Variants in NIT1 observed in about 807,000 individuals in gnomAD.
NIT1 encodes nitrilase 1, also known as deaminated glutathione amidase.
A neutral mutation model predicts 36.8 loss-of-function variants in NIT1; 30 were observed. That is an observed-to-expected ratio of 0.82 (90% CI 0.61 to 1.11). The LOEUF (loss-of-function observed/expected upper bound fraction) is 1.11, where lower values mean the gene tolerates loss of function less well. Ranked by LOEUF, NIT1 falls within the 50% of genes least tolerant of loss-of-function variation. The pLI is 0.00. For missense variants in NIT1, 438 were observed against 410.6 expected (o/e 1.07, Z -0.58); for synonymous variants, 151 against 155.6 (o/e 0.97, Z 0.22).
intron 1 of NIT1, chr1:161,118,503 CTT>C (rs778405677): frequency 1.3e-5 from 20 of 1,536,034 alleles, no homozygotes; most frequent in East Asian, 2.4e-5. Flanking sequence ...CCGGAGATGA[CTT>C]TTGGACTGCG....
At position 161,120,163 on chromosome 1, in the gene NIT1, T is replaced by G. The variant is rs1655295003; in HGVS notation, c.648T>G (p.Ala216=). 1 of 1,614,046 alleles carries G rather than the reference T, an allele frequency of 6.2e-7. No homozygotes were observed. The highest frequency in any genetic ancestry group is 1.7e-5 in the Admixed American group (1 of 60,006). Reference sequence around the variant, plus strand: ...TCCCTGAACTCTCTCTGGCATTGGCTCAAGCTGGAGCAGAGATACTTACCT... The same window carrying G: ...TCCCTGAACTCTCTCTGGCATTGGCGCAAGCTGGAGCAGAGATACTTACCT... ...MRFPELSLAL[A]QAGAEILTYP... Residue 216 remains alanine, a synonymous_variant, in exon 6 of 7, where the codon GCT becomes GCG. Coordinates refer to ENST00000368009, the MANE Select transcript of NIT1 (RefSeq NM_005600.3).
At chr1:161,121,929 G>C, downstream of NIT1, 3 of 573,196 alleles carry the variant, frequency 5.2e-6, no homozygotes, top group Admixed American at 3.1e-5. Flanking sequence ...ACACATTACG[G>C]GGTAAATGGA....
At position 161,120,544 on chromosome 1, in the gene NIT1, G is replaced by A. The variant is rs1557972938; in HGVS notation, c.763G>A (p.Ala255Thr). ...RAIETQCYVV[A>T]AAQCGRHHEK... ...TATCGAAACCCAGTGCTATGTAGTG[G>A]CAGCAGCACAGTGTGGACGCCACCA... Residue 255 changes from alanine (A) to threonine (T), a missense_variant, in exon 7 of 7, where the codon GCA becomes ACA. Coordinates refer to ENST00000368009, the MANE Select transcript of NIT1 (RefSeq NM_005600.3). 7 of 1,614,184 alleles carry A rather than the reference G, an allele frequency of 4.3e-6. No individual in the cohort carries two copies. Among genetic ancestry groups the A allele is most frequent in the Non-Finnish European group, 5.9e-6 (7 of 1,180,032 alleles).
At chr1:161,118,640 A>G in intron 1 of NIT1, 146 bp from the exon 2 acceptor site, 1 of 1,523,818 alleles carries the variant, frequency 6.6e-7, no homozygotes. Context: ...CTTAGCCTAT[A>G]ATTTCTTATA....
At chr1:161,120,042 AAT>A in intron 5 of NIT1, 63 bp from the exon 6 acceptor site, 5 of 1,609,942 alleles carry the variant, frequency 3.1e-6, no homozygotes, top group Non-Finnish European at 4.2e-6. Context: ...GGGTAATGGA[AAT>A]ATGACTAGAT....
rs1000050394 is a variant in NIT1 at position 161,119,877 on chromosome 1, G to A, written c.516G>A (p.Gln172=). 1 of 1,613,238 alleles carries A rather than the reference G, an allele frequency of 6.2e-7. No homozygotes were observed. The highest frequency in any genetic ancestry group is 8.5e-7 in the Non-Finnish European group (1 of 1,179,786). ...THLCDVEIPG[Q]GPMCESNSTM... is the part of the protein sequence containing the mutation. ...TGTGTGACGTAGAGATTCCAGGGCAGGGGCCTATGTGTGAAAGCAACTCTA... is the reference window on the plus strand; with the variant it reads ...TGTGTGACGTAGAGATTCCAGGGCAAGGGCCTATGTGTGAAAGCAACTCTA... The change falls in exon 5 of 7, where the codon CAG becomes CAA. Residue 172 remains glutamine (Q), a synonymous_variant. Coordinates refer to ENST00000368009, the MANE Select transcript of NIT1 (RefSeq NM_005600.3).
Position 161,119,177 on chromosome 1 carries a change from CT to C in NIT1, c.143del (p.Leu48ArgfsTer7). ...AISSSSCELP[L>X]VAVCQVTSTP... Reference sequence around the variant, plus strand: ...CTCCTCTTCCTCCTGCGAACTGCCCCTGGTGGCTGTGTGCCAGGTAACATCG... The same window carrying C: ...CTCCTCTTCCTCCTGCGAACTGCCCCGGTGGCTGTGTGCCAGGTAACATCG... On this transcript the variant is annotated frameshift_variant, in exon 3 of 7. Transcript: ENST00000368009. LOFTEE classifies it high-confidence loss of function. The C allele has an allele frequency of 1.9e-6, 3 of 1,614,140 alleles. No homozygotes were observed. Among genetic ancestry groups the C allele is most frequent in the Non-Finnish European group, 2.5e-6 (3 of 1,180,028 alleles).
Position 161,119,527 on chromosome 1 carries a change from G to A in NIT1, c.372G>A (p.Leu124=), listed in dbSNP as rs775146117. The A allele has an allele frequency of 6.8e-6, 11 of 1,614,166 alleles. No homozygotes were observed. The Admixed American group carries it at 1.8e-4, about 27-fold the overall frequency. ...TQLARECGLW[L]SLGGFHERGQ... is the part of the protein sequence containing the mutation. ...CCCCCAGGGAATGTGGACTCTGGCTGTCCTTGGGTGGTTTCCATGAGCGTG... is the reference window on the plus strand; with the variant it reads ...CCCCCAGGGAATGTGGACTCTGGCTATCCTTGGGTGGTTTCCATGAGCGTG... The change falls in exon 4 of 7, where the codon CTG becomes CTA. Residue 124 remains leucine, a synonymous_variant. Coordinates refer to ENST00000368009, the MANE Select transcript of NIT1 (RefSeq NM_005600.3).
downstream of NIT1, chr1:161,122,581 G>A: frequency 6.4e-7 from 1 of 1,560,158 alleles, no homozygotes; most frequent in Non-Finnish European, 8.7e-7. This position sits in a 1 kb window ranked among gnomAD's most constrained non-coding sequence, Gnocchi z 4.2. Flanking sequence ...GAGTTTACAA[G>A]CCAAGCTTGA....
chr1:161,123,311 C>A, downstream of NIT1: 1 of 1,274,648 alleles, frequency 7.8e-7, no homozygotes, highest in Non-Finnish European at 1.1e-6. Context: ...ATCATTTAGA[C>A]TTAGCACTAA....
At chr1:161,119,636 C>A (rs773490731) in intron 4 of NIT1, 24 bp downstream of exon 4, 1 of 1,592,276 alleles carries the variant, frequency 6.3e-7, no homozygotes, top group East Asian at 2.3e-5. Flanking sequence ...ACCCTTTAGC[C>A]TGCCTCTTCC....
chr1:161,123,204 C>T, downstream of NIT1: 2 of 1,614,142 alleles, frequency 1.2e-6, no homozygotes, highest in African/African-American at 1.3e-5. Context: ...CAACACACCA[C>T]AGGATAGTGG....
downstream of NIT1, chr1:161,122,562 G>T (rs777850942): frequency 1.2e-5 from 19 of 1,587,392 alleles, no homozygotes; most frequent in Non-Finnish European, 1.6e-5. This position sits in a 1 kb window ranked among gnomAD's most constrained non-coding sequence, Gnocchi z 4.2. Context: ...AGAGGTTACA[G>T]TAAGGGATGA....
chr1:161,122,107 G>C (rs752816455), downstream of NIT1: 1 of 1,604,064 alleles, frequency 6.2e-7, no homozygotes, highest in Non-Finnish European at 8.5e-7. The surrounding 1 kb of genome is among the most constrained non-coding windows in gnomAD (Gnocchi z 4.2). Flanking sequence ...TCCAGAGGTG[G>C]GTGATGGGAA....
At chr1:161,119,645 C>T (rs1239652915) in intron 4 of NIT1, 33 bp downstream of exon 4, 3 of 1,580,960 alleles carry the variant, frequency 1.9e-6, no homozygotes, top group East Asian at 4.6e-5. Flanking sequence ...CCTGCCTCTT[C>T]CCATGCTCTT....
At chr1:161,118,671 GT>G in intron 1 of NIT1, 114 bp from the exon 2 acceptor site, 1 of 1,478,494 alleles carries the variant, frequency 6.8e-7, no homozygotes, top group Non-Finnish European at 9.3e-7. Flanking sequence ...TGAAGACTAG[GT>G]TTTTACTGGC....
downstream of NIT1, chr1:161,122,111 A>T (rs1374965101): frequency 6.2e-7 from 1 of 1,605,004 alleles, no homozygotes. This position sits in a 1 kb window ranked among gnomAD's most constrained non-coding sequence, Gnocchi z 4.2. Context: ...GAGGTGGGTG[A>T]TGGGAACAGT....
At position 161,120,209 on chromosome 1, in the gene NIT1, AT is replaced by A; in HGVS notation, c.696del (p.Thr233GlnfsTer21). The A allele has an allele frequency of 1.2e-6, 2 of 1,614,120 alleles. No homozygotes were observed. Among genetic ancestry groups the A allele is most frequent in the Non-Finnish European group, 1.7e-6 (2 of 1,180,006 alleles). On this transcript the variant is annotated frameshift_variant, in exon 6 of 7. Coordinates refer to ENST00000368009, the MANE Select transcript of NIT1 (RefSeq NM_005600.3). LOFTEE classifies it high-confidence loss of function. The part of the protein sequence containing the change: ...ILTYPSAFGS[I>X]TGPAHWEVLL... ...TACCTATCCTTCAGCTTTTGGATCC[AT>A]TACAGGCCCAGCCCACTGGGAGGTA...
chr1:161,118,353 C>A (rs1333103634), intron 1 of NIT1, 175 bp downstream of exon 1: 3 of 1,519,570 alleles, frequency 2.0e-6, no homozygotes, highest in Non-Finnish European at 2.6e-6. Context: ...TGCCCCTTGC[C>A]CACCAGGGAG....
Sources: gnomAD v4.1 joint callset for allele counts on GRCh38, gnomAD v4.1.1 for gene constraint, Gnocchi (gnomAD v3.1) non-coding constraint, MANE v1.5 for transcripts, NCBI Gene and HGNC (gene_info 2026-07-23, HGNC 2026-07-21) for gene names.